Variants in FBXL2 observed in about 807,000 individuals in gnomAD.
FBXL2 encodes F-box and leucine rich repeat protein 2.
FBXL2 carries 38 observed loss-of-function variants against 69.2 expected under a neutral mutation model. The ratio of observed to expected loss-of-function variants is 0.55; its 90% confidence interval spans 0.42 to 0.72. The LOEUF (loss-of-function observed/expected upper bound fraction) is 0.72, where lower values mean the gene tolerates loss of function less well. Among genes scored for constraint, FBXL2 ranks in the 30% least tolerant of loss-of-function variants. FBXL2 has a pLI of 0.00. For synonymous variants in FBXL2, 192 were observed against 201.3 expected, an observed-to-expected ratio of 0.95 and a Z score of 0.39; for missense variants, 354 against 520.3, an observed-to-expected ratio of 0.68 and a Z score of 3.11.
intron 2 of FBXL2, among the ~76,000 whole-genome samples, chr3:33,342,429 G>A (rs912489348): frequency 1.8e-4 from 27 of 151,350 alleles, no homozygotes; most frequent in Non-Finnish European, 3.5e-4. Flanking sequence ...TAGTAGACTT[G>A]TTCTACTTTT....
chr3:33,409,491 T>C, the FBXL2 span: 1 of 1,614,106 alleles, frequency 6.2e-7, no homozygotes, highest in Admixed American at 1.7e-5. Context: ...GTAGATGATC[T>C]GTGTATTCTC....
chr3:33,400,658 G>A (rs943157122), intron 12 of FBXL2, among the ~76,000 whole-genome samples: 1 of 152,090 alleles, frequency 6.6e-6, no homozygotes, highest in African/African-American at 2.4e-5. Context: ...ATAGGTAACA[G>A]AGACCGGGAA....
At chr3:33,416,959 A>C in the FBXL2 span, 1 of 782,580 alleles carries the variant, frequency 1.3e-6, no homozygotes, top group Non-Finnish European at 2.1e-6. Context: ...TTTGCTACGG[A>C]AGCAAATTCA....
At chr3:33,374,683 A>T (rs1259223572) in intron 9 of FBXL2, among the ~76,000 whole-genome samples, 1 of 152,232 alleles carries the variant, frequency 6.6e-6, no homozygotes, top group Non-Finnish European at 1.5e-5. Flanking sequence ...CTTGAAGTAT[A>T]ATATAGATGT....
chr3:33,328,864 C>T (rs1013842034), intron 2 of FBXL2, among the ~76,000 whole-genome samples: 3 of 150,678 alleles, frequency 2.0e-5, no homozygotes, highest in Non-Finnish European at 4.4e-5. Flanking sequence ...GCAACCAAAG[C>T]AAAAATAGAC....
the FBXL2 span, chr3:33,409,753 A>C: frequency 9.9e-7 from 1 of 1,010,986 alleles, no homozygotes; most frequent in Admixed American, 2.7e-5. Context: ...CTATGAACCT[A>C]ATTGTTTTTA....
At chr3:33,321,129 G>A (rs2038172274) in intron 2 of FBXL2, among the ~76,000 whole-genome samples, 1 of 151,846 alleles carries the variant, frequency 6.6e-6, no homozygotes, top group Non-Finnish European at 1.5e-5. Context: ...GCCCAACATG[G>A]AAAAATCCCA....
At chr3:33,396,618 G>A in intron 12 of FBXL2, 1 of 403,806 alleles carries the variant, frequency 2.5e-6, no homozygotes, top group South Asian at 2.3e-5. Context: ...AGCAATGATA[G>A]TAAATGGTTC....
At chr3:33,306,542 A>C (rs993170974) in intron 2 of FBXL2, among the ~76,000 whole-genome samples, 3 of 152,182 alleles carry the variant, frequency 2.0e-5, no homozygotes, top group African/African-American at 7.2e-5. Flanking sequence ...AAATCTTTGA[A>C]GTCTCAGTTA....
chr3:33,384,266 A>C, intron 14 of FBXL2, 65 bp downstream of exon 14: 1 of 1,526,442 alleles, frequency 6.6e-7, no homozygotes, highest in Non-Finnish European at 9.0e-7. Flanking sequence ...AAACATCAAG[A>C]ATCAGACCGG....
chr3:33,354,730 A>G (rs2041078310), intron 2 of FBXL2, among the ~76,000 whole-genome samples: 1 of 152,230 alleles, frequency 6.6e-6, no homozygotes, highest in African/African-American at 2.4e-5. Flanking sequence ...GGTTGTATTT[A>G]TCATTGTACT....
intron 2 of FBXL2, among the ~76,000 whole-genome samples, chr3:33,306,312 T>C (rs1006126619): frequency 7.9e-5 from 12 of 152,114 alleles, no homozygotes; most frequent in African/African-American, 2.7e-4. Flanking sequence ...AAAACAAATA[T>C]ATGAAACAAA....
At chr3:33,328,563 T>G (rs74376023) in intron 2 of FBXL2, among the ~76,000 whole-genome samples, 2 of 152,246 alleles carry the variant, frequency 1.3e-5, no homozygotes, top group African/African-American at 4.8e-5. Context: ...AGCCAACTCA[T>G]TTTTGACAAC....
At chr3:33,394,817 GTTTTTTTTTTT>G (rs76142927) in intron 12 of FBXL2, among the ~76,000 whole-genome samples, 1 of 110,444 alleles carries the variant, frequency 9.1e-6, no homozygotes, top group Admixed American at 8.9e-5. Context: ...CCCTCCACTT[GTTTTTTTTTTT>G]TTTTTTTTTA....
chr3:33,281,704 CTGT>C (rs2034029745), intron 1 of FBXL2, among the ~76,000 whole-genome samples: 3 of 152,100 alleles, frequency 2.0e-5, no homozygotes, highest in Non-Finnish European at 4.4e-5. Flanking sequence ...TCTCCAGCAC[CTGT>C]TGTTTCCTGA....
At chr3:33,370,717 G>A (rs1335219264) in intron 5 of FBXL2, among the ~76,000 whole-genome samples, 2 of 152,122 alleles carry the variant, frequency 1.3e-5, no homozygotes. Flanking sequence ...CTGAGCTCAA[G>A]TGATCCTCCC....
intron 5 of FBXL2, among the ~76,000 whole-genome samples, chr3:33,370,613 TTCTC>T (rs150677344): frequency 9.9e-5 from 15 of 151,346 alleles, no homozygotes; most frequent in Admixed American, 4.6e-4. Flanking sequence ...TATCACTGGT[TTCTC>T]TCTCTCTCTC....
chr3:33,389,270 A>G (rs1364012406), downstream of FBXL2: 3 of 152,638 alleles, frequency 2.0e-5, no homozygotes, highest in African/African-American at 7.2e-5. Flanking sequence ...AATATTTGAG[A>G]GGCTTAAGGG....
At chr3:33,289,678 C>A in intron 1 of FBXL2, 1 of 844,756 alleles carries the variant, frequency 1.2e-6, no homozygotes, top group Non-Finnish European at 1.4e-6. Flanking sequence ...GGAGTTCCAG[C>A]TACAGTGCAG....
Sources: gnomAD v4.1 joint callset for allele counts (sites outside exome capture counted in the v4.1 genomes callset) on GRCh38, gnomAD v4.1.1 for gene constraint, MANE v1.5 for transcripts, NCBI Gene and HGNC (gene_info 2026-07-23, HGNC 2026-07-21) for gene names.